Variants in FABP7 observed in about 807,000 individuals in gnomAD.
FABP7 encodes fatty acid-binding protein, brain.
FABP7 carries 13 observed loss-of-function variants against 14.2 expected under a neutral mutation model. The observed-to-expected ratio is 0.91, with a 90% CI of 0.59 to 1.45. The LOEUF is 1.45. Ranked by LOEUF, FABP7 falls within the 40% of genes most tolerant of loss-of-function variation. FABP7 has a pLI of 0.00. For missense variants in FABP7, 149 were observed against 157.6 expected (o/e 0.95, Z 0.29); for synonymous variants, 49 against 51.4 (o/e 0.95, Z 0.20).
At chr6:122,757,290 T>C in the FABP7 span, among the ~76,000 whole-genome samples, 1 of 152,168 alleles carries the variant, frequency 6.6e-6, no homozygotes, top group Non-Finnish European at 1.5e-5. Context: ...ATTCAATCAG[T>C]TCTCCAGCCA....
At chr6:122,749,967 T>G in the FABP7 span, among the ~76,000 whole-genome samples, 140,938 of 152,218 alleles carry the variant, frequency 0.93, 65,349 homozygotes, top group Admixed American at 0.96. Flanking sequence ...TAGAATTAAG[T>G]TATTTATGTT....
At chr6:122,772,264 T>C in the FABP7 span, among the ~76,000 whole-genome samples, 1 of 151,960 alleles carries the variant, frequency 6.6e-6, no homozygotes, top group Non-Finnish European at 1.5e-5. Flanking sequence ...ACCCAAAATA[T>C]GCAAAAAGTT....
chr6:122,779,945 A>G (rs1780741660), intron 1 of FABP7, 78 bp downstream of exon 1: 1 of 1,375,398 alleles, frequency 7.3e-7, no homozygotes, highest in Non-Finnish European at 1.0e-6. Context: ...TTCACTCATC[A>G]GGTCAGCAAG....
At chr6:122,769,672 C>T in the FABP7 span, among the ~76,000 whole-genome samples, 8 of 151,930 alleles carry the variant, frequency 5.3e-5, no homozygotes, top group East Asian at 1.9e-4. Flanking sequence ...ATTAATAGGC[C>T]GAGTAGAAAA....
the FABP7 span, among the ~76,000 whole-genome samples, chr6:122,772,665 C>T: frequency 3.3e-5 from 5 of 152,136 alleles, no homozygotes; most frequent in Admixed American, 1.3e-4. Context: ...CTGATCTGCC[C>T]ACCTCTGCCT....
chr6:122,778,521 G>A (rs978896883), upstream of FABP7, among the ~76,000 whole-genome samples: 5 of 152,146 alleles, frequency 3.3e-5, no homozygotes, highest in African/African-American at 1.2e-4. Context: ...AGGGGAGAGA[G>A]AAGGGCAGGG....
At chr6:122,759,745 A>G in the FABP7 span, among the ~76,000 whole-genome samples, 1 of 152,340 alleles carries the variant, frequency 6.6e-6, no homozygotes, top group South Asian at 2.1e-4. Flanking sequence ...ACATGCTCTA[A>G]ATAACTATGC....
upstream of FABP7, among the ~76,000 whole-genome samples, chr6:122,774,941 A>G (rs1780645870): frequency 6.6e-6 from 1 of 152,022 alleles, no homozygotes; most frequent in Non-Finnish European, 1.5e-5. Context: ...CTAGGAATAC[A>G]CTTAACCAAA....
intron 3 of FABP7, chr6:122,783,068 A>G (rs1780834156): frequency 1.0e-6 from 1 of 985,434 alleles, no homozygotes. Context: ...ACATCACATC[A>G]ATACATGAAA....
the FABP7 span, among the ~76,000 whole-genome samples, chr6:122,772,695 G>A: frequency 1.3e-5 from 2 of 152,062 alleles, no homozygotes; most frequent in African/African-American, 2.4e-5. Context: ...CTGGGATTAC[G>A]GGCATGAGCC....
chr6:122,779,768 T>C lies in FABP7; in HGVS notation c.-27T>C, dbSNP rs202109563. 147 of 1,612,420 alleles carry C rather than the reference T, an allele frequency of 9.1e-5. 3 individuals carry two copies. The Admixed American group carries it at 2.4e-3, about 27-fold the overall frequency. On this transcript the variant is annotated 5_prime_UTR_variant, in exon 1 of 4. Coordinates refer to ENST00000368444, the MANE Select transcript of FABP7 (RefSeq NM_001446.5). ...AATTAGACCAGAAGATCCCCGCTCC[T>C]GTCTCTAAAGAGGGGAAAGGGCAAG...
At chr6:122,776,351 A>C (rs1780672829), upstream of FABP7, among the ~76,000 whole-genome samples, 1 of 152,210 alleles carries the variant, frequency 6.6e-6, no homozygotes, top group African/African-American at 2.4e-5. Flanking sequence ...ATAAAAAAGG[A>C]AGGAAATCTT....
the FABP7 span, among the ~76,000 whole-genome samples, chr6:122,754,660 G>C: frequency 1.5e-5 from 2 of 136,078 alleles, no homozygotes; most frequent in African/African-American, 2.8e-5. Flanking sequence ...AATTCATTCA[G>C]ATCATTGTTT....
At chr6:122,754,894 C>G in the FABP7 span, among the ~76,000 whole-genome samples, 1 of 152,114 alleles carries the variant, frequency 6.6e-6, no homozygotes, top group Non-Finnish European at 1.5e-5. Flanking sequence ...CCTGGTGTCC[C>G]TTTCAATTAC....
At chr6:122,750,220 A>G in the FABP7 span, among the ~76,000 whole-genome samples, 268 of 152,234 alleles carry the variant, frequency 1.8e-3, no homozygotes, top group African/African-American at 6.2e-3. Flanking sequence ...TTTTTGAATT[A>G]GTTTACATTA....
chr6:122,752,072 C>G, the FABP7 span, among the ~76,000 whole-genome samples: 1 of 152,070 alleles, frequency 6.6e-6, no homozygotes, highest in Non-Finnish European at 1.5e-5. Flanking sequence ...CTTTCCACCC[C>G]TAACCCCACC....
At chr6:122,752,731 G>A in the FABP7 span, among the ~76,000 whole-genome samples, 1 of 152,200 alleles carries the variant, frequency 6.6e-6, no homozygotes, top group African/African-American at 2.4e-5. Flanking sequence ...AGTCTCCAGC[G>A]AAGTAAGCCT....
the FABP7 span, among the ~76,000 whole-genome samples, chr6:122,769,389 C>G: frequency 6.6e-6 from 1 of 152,078 alleles, no homozygotes; most frequent in Non-Finnish European, 1.5e-5. Flanking sequence ...TAACATAATT[C>G]ATAACATAAT....
chr6:122,773,191 C>T, the FABP7 span, among the ~76,000 whole-genome samples: 8 of 151,964 alleles, frequency 5.3e-5, no homozygotes, highest in Admixed American at 6.6e-5. Flanking sequence ...AGAATACATG[C>T]GAATCAAAAC....
Sources: gnomAD v4.1 joint callset for allele counts (sites outside exome capture counted in the v4.1 genomes callset) on GRCh38, gnomAD v4.1.1 for gene constraint, MANE v1.5 for transcripts, NCBI Gene and HGNC (gene_info 2026-07-23, HGNC 2026-07-21) for gene names.